SRGAP2C: variants seen among roughly 807,000 people sequenced by gnomAD.
The protein encoded by SRGAP2C is SLIT-ROBO Rho GTPase activating protein 2C.
A neutral mutation model predicts 25.1 loss-of-function variants in SRGAP2C; 15 were observed. That is an observed-to-expected ratio of 0.60 (90% CI 0.40 to 0.92). The LOEUF (loss-of-function observed/expected upper bound fraction) is 0.92. Ranked by LOEUF, SRGAP2C falls within the 40% of genes least tolerant of loss-of-function variation. The pLI is 0.00. For synonymous variants in SRGAP2C, 44 were observed against 96.6 expected, an observed-to-expected ratio of 0.46 and a Z score of 3.19; for missense variants, 144 against 264.4, an observed-to-expected ratio of 0.54 and a Z score of 3.16.
chr1:121,351,419 C>A (rs587747374), intron 4 of SRGAP2C, among the ~76,000 whole-genome samples: 1 of 151,382 alleles, frequency 6.6e-6, no homozygotes, highest in Admixed American at 6.6e-5. Flanking sequence ...ACCATCCTGG[C>A]TAACATGGTG....
chr1:121,283,847 G>A (rs1342492061), intron 2 of SRGAP2C, among the ~76,000 whole-genome samples: 1 of 151,354 alleles, frequency 6.6e-6, no homozygotes, highest in East Asian at 2.0e-4. Context: ...TCTCTTGTCA[G>A]TAACAAATGC....
Position 121,232,634 on chromosome 1 carries a change from G to T in SRGAP2C, c.67+45121G>T, listed in dbSNP as rs1420788034. On this transcript the variant is annotated intron_variant, in intron 2 of 9. Coordinates refer to ENST00000367123, the MANE Select transcript of SRGAP2C (RefSeq NM_001329984.2). Reference sequence around the variant, plus strand: ...TTTTGCTGCATCTAGTTTTACTGAAGCAAAGGCTCTGCACTTTCATAGTTT... The same window carrying T: ...TTTTGCTGCATCTAGTTTTACTGAATCAAAGGCTCTGCACTTTCATAGTTT... Among the ~76,000 whole-genome samples, 4 of 150,220 alleles carry T rather than the reference G, an allele frequency of 2.7e-5. No individual in the cohort carries two copies. In the East Asian group the frequency reaches 8.0e-4, roughly 30 times the overall value.
chr1:121,277,221 A>G (rs1657126257), intron 2 of SRGAP2C, among the ~76,000 whole-genome samples: 4 of 145,480 alleles, frequency 2.7e-5, no homozygotes, highest in Non-Finnish European at 4.6e-5. Context: ...ATTATGTAAT[A>G]TGAATTGTTA....
chr1:121,265,970 T>C (rs1656767204), intron 2 of SRGAP2C, among the ~76,000 whole-genome samples: 1 of 151,800 alleles, frequency 6.6e-6, no homozygotes, highest in African/African-American at 2.4e-5. Context: ...TTTTGTTTGT[T>C]CGTTTGTTGT....
chr1:121,391,995 G>A lies in SRGAP2C; in HGVS notation c.*4140G>A, dbSNP rs1194422995. On this transcript the variant is annotated 3_prime_UTR_variant, in exon 10 of 10. Transcript: ENST00000367123. ...AATCAGAAAAAATATTAAAAAGTAG[G>A]AATATCAGCAAAGAGATAACAAATT... The A allele has an allele frequency of 6.6e-6, 1 of 152,216 alleles. No homozygotes were observed. Among genetic ancestry groups the A allele is most frequent in the Non-Finnish European group, 1.5e-5 (1 of 68,032 alleles). 9.4% of individuals were successfully genotyped at this position (152,216 alleles called of 1,614,324 possible).
At position 121,309,588 on chromosome 1, in the gene SRGAP2C, C is replaced by A. The variant is rs1417157753; in HGVS notation, c.261-14890C>A. On this transcript the variant is annotated intron_variant, in intron 3 of 9. Transcript: ENST00000367123. ...TCCCTCCCCACTCCCCCAACCCCACCACAGTCCCCAGAGTGTGATATTCCC... is the reference window on the plus strand; with the variant it reads ...TCCCTCCCCACTCCCCCAACCCCACAACAGTCCCCAGAGTGTGATATTCCC... Among the ~76,000 whole-genome samples, 26 of 151,506 alleles carry A rather than the reference C, an allele frequency of 1.7e-4. 1 individual carries two copies. The highest frequency in any genetic ancestry group is 8.8e-5 in the Non-Finnish European group (6 of 67,924).
chr1:121,298,084 C>T (rs1657633851), intron 3 of SRGAP2C, among the ~76,000 whole-genome samples: 1 of 151,848 alleles, frequency 6.6e-6, no homozygotes, highest in African/African-American at 2.4e-5. Flanking sequence ...AATTCATCCC[C>T]TACCCTGATT....
At chr1:121,317,050 G>T (rs1658115513) in intron 3 of SRGAP2C, among the ~76,000 whole-genome samples, 2 of 129,816 alleles carry the variant, frequency 1.5e-5, no homozygotes, top group African/African-American at 5.7e-5. Context: ...TTTGCAGTGG[G>T]TTCATCCAAG....
chr1:121,293,592 G>A lies in SRGAP2C; in HGVS notation c.260+8597G>A, dbSNP rs1553337958. On this transcript the variant is annotated intron_variant, in intron 3 of 9. Coordinates refer to ENST00000367123, the MANE Select transcript of SRGAP2C (RefSeq NM_001329984.2). ...GAATTAATGGAATTCAAAGAAGCTG[G>A]GACAGAGAAAGTGCTCTTGGTTTCC... 6.2e-3 allele frequency among the ~76,000 whole-genome samples: 939 copies of A among 152,158 alleles called. 3 individuals carry two copies. The highest frequency in any genetic ancestry group is 8.9e-3 in the Non-Finnish European group (608 of 68,002).
chr1:121,372,137 A>G (rs1553351337), intron 5 of SRGAP2C, among the ~76,000 whole-genome samples: 3 of 151,104 alleles, frequency 2.0e-5, no homozygotes, highest in Non-Finnish European at 4.4e-5. Context: ...AAACTGATTT[A>G]AAACATTCTG....
At chr1:121,341,185 A>G (rs1233481983) in intron 4 of SRGAP2C, among the ~76,000 whole-genome samples, 1 of 74,270 alleles carries the variant, frequency 1.3e-5, no homozygotes, top group African/African-American at 6.7e-5. Context: ...GAAAGACATT[A>G]TAGACAGGAC....
Position 121,368,154 on chromosome 1 carries a change from A to T in SRGAP2C, c.486+2799A>T, listed in dbSNP as rs587633051. On this transcript the variant is annotated intron_variant, in intron 5 of 9. Coordinates refer to ENST00000367123, the MANE Select transcript of SRGAP2C (RefSeq NM_001329984.2). ...CACAGTGGCTCATGCCCGTAATCCC[A>T]GCACTTTGGGAGGCTGAGGTGGGCG... Among the ~76,000 whole-genome samples the T allele has an allele frequency of 3.3e-4, 37 of 112,360 alleles. 1 individual carries two copies. Among genetic ancestry groups the T allele is most frequent in the African/African-American group, 1.2e-3 (36 of 29,322 alleles). The allele number at this position is 112,360 out of a possible 152,430, so 73.7% of individuals were successfully genotyped here.
At chr1:121,250,234 C>A (rs1656322745) in intron 2 of SRGAP2C, among the ~76,000 whole-genome samples, 1 of 88,584 alleles carries the variant, frequency 1.1e-5, no homozygotes, top group Non-Finnish European at 2.3e-5. Flanking sequence ...ATAAAGATAA[C>A]CACTAGAACA....
At chr1:121,375,065 A>G in intron 7 of SRGAP2C, 111 bp downstream of exon 7, 1 of 645,746 alleles carries the variant, frequency 1.5e-6, no homozygotes, top group South Asian at 1.8e-5. Flanking sequence ...GAGAACAATT[A>G]GGAAGATAGC....
chr1:121,279,070 C>G (rs1384972683), intron 2 of SRGAP2C, among the ~76,000 whole-genome samples: 1 of 151,712 alleles, frequency 6.6e-6, no homozygotes, highest in South Asian at 2.1e-4. Flanking sequence ...GGCAGTCAGA[C>G]CAGGTTCCCA....
At chr1:121,305,128 C>G (rs1339576252) in intron 3 of SRGAP2C, among the ~76,000 whole-genome samples, 1 of 149,364 alleles carries the variant, frequency 6.7e-6, no homozygotes, top group African/African-American at 2.5e-5. Context: ...TTGCCAGTTT[C>G]TCCTAAGCCT....
chr1:121,263,148 G>A (rs1312641221), intron 2 of SRGAP2C, among the ~76,000 whole-genome samples: 3 of 151,392 alleles, frequency 2.0e-5, no homozygotes, highest in Admixed American at 6.6e-5. Context: ...GAGGTCAGGA[G>A]TTTGAGACCA....
intron 3 of SRGAP2C, among the ~76,000 whole-genome samples, chr1:121,289,152 G>T (rs1657439385): frequency 6.7e-6 from 1 of 148,428 alleles, no homozygotes; most frequent in Non-Finnish European, 1.5e-5. Context: ...CCATGGAGCA[G>T]GGGGTGGTGC....
chr1:121,278,227 G>C (rs1460413656), intron 2 of SRGAP2C, among the ~76,000 whole-genome samples: 1 of 151,900 alleles, frequency 6.6e-6, no homozygotes, highest in African/African-American at 2.4e-5. Flanking sequence ...GATTACAGGG[G>C]TGAGCCACTG....
Sources: allele counts gnomAD v4.1 joint callset (sites outside exome capture counted in the v4.1 genomes callset), GRCh38; gene constraint gnomAD v4.1.1; transcripts MANE v1.5; gene names NCBI Gene and HGNC (gene_info 2026-07-23, HGNC 2026-07-21).